The following NWD1 variants were observed in gnomAD, a reference collection of about 807,000 sequenced individuals.
NWD1 encodes the protein NACHT domain- and WD repeat-containing protein 1.
A neutral mutation model predicts 135.1 loss-of-function variants in NWD1; 129 were observed. That is an observed-to-expected ratio of 0.96 (90% CI 0.83 to 1.11). NWD1 has a LOEUF of 1.11. Among genes scored for constraint, NWD1 ranks in the 50% least tolerant of loss-of-function variants. The pLI, the probability that NWD1 is intolerant of heterozygous loss-of-function variation, is 0.00. For missense variants in NWD1, 1,740 were observed against 1,851.3 expected, an observed-to-expected ratio of 0.94 and a Z score of 1.10; for synonymous variants, 773 against 786.0, an observed-to-expected ratio of 0.98 and a Z score of 0.28.
chr19:16,754,660 C>T (rs1968715937), intron 6 of NWD1, among the ~76,000 whole-genome samples: 2 of 151,190 alleles, frequency 1.3e-5, no homozygotes, highest in Non-Finnish European at 2.9e-5. Flanking sequence ...TCTATTCTTC[C>T]TTGCATCCAT....
intron 14 of NWD1, among the ~76,000 whole-genome samples, chr19:16,793,471 C>G (rs1031729039): frequency 6.6e-6 from 1 of 151,884 alleles, no homozygotes; most frequent in African/African-American, 2.4e-5. Context: ...AACTTATGGG[C>G]TCATTCAGCC....
Position 16,817,297 on chromosome 19 carries a change from C to CTCA in NWD1, c.*2260_*2262dup, listed in dbSNP as rs983071938. 61 of 143,270 alleles carry CTCA rather than the reference C, an allele frequency of 4.3e-4. No individual in the cohort carries two copies. Among genetic ancestry groups the CTCA allele is most frequent in the African/African-American group, 1.6e-3 (61 of 38,476 alleles). 8.9% of individuals were successfully genotyped at this position (143,270 alleles called of 1,614,324 possible). A position where few individuals can be genotyped will look rare whatever the true frequency, so the allele number is the denominator to read the frequency against. ...CCTGGGTGACAGAGCAAGACTCCAT[C>CTCA]TCATAATAATAATAATAATGGCAAA... On this transcript the variant is annotated 3_prime_UTR_variant, in exon 19 of 19. Transcript: ENST00000524140.
At chr19:16,754,474 A>G (rs927268011) in intron 6 of NWD1, among the ~76,000 whole-genome samples, 1 of 142,486 alleles carries the variant, frequency 7.0e-6, no homozygotes, top group Non-Finnish European at 1.5e-5. Context: ...CCATCCATCC[A>G]TCCATCCATC....
rs1268150126 is a variant in NWD1 at position 16,731,205 on chromosome 19, G to A, written c.8G>A (p.Arg3Lys). MQ[R>K]GKPCRALPTL... ...CCTTCCTTGCAGATATGGATGCAGA[G>A]AGGGAAGCCCTGCAGAGCACTGCCT... The change falls in exon 3 of 19, where the codon AGA becomes AAA. Residue 3 changes from arginine to lysine, a missense_variant. By Grantham distance (26) the Arg-to-Lys change is conservative. Transcript: ENST00000524140. The A allele has an allele frequency of 1.7e-5, 26 of 1,531,330 alleles. No homozygotes were observed. Among genetic ancestry groups the A allele is most frequent in the Non-Finnish European group, 2.2e-5 (25 of 1,142,588 alleles). The allele number at this position is 1,531,330 out of a possible 1,614,324, so 94.9% of individuals were successfully genotyped here. A position where few individuals can be genotyped will look rare whatever the true frequency, so the allele number is the denominator to read the frequency against.
chr19:16,767,579 A>T lies in NWD1; in HGVS notation c.2410+2387A>T, dbSNP rs897918271. On this transcript the variant is annotated intron_variant, in intron 10 of 18. Coordinates refer to ENST00000524140, the MANE Select transcript of NWD1 (RefSeq NM_001007525.5). ...GCAGTGACCAGAAATCCCACCATGC[A>T]CTCCAGCCTGGGTGACAGAGTGAGA... 2.6e-5 allele frequency among the ~76,000 whole-genome samples: 4 copies of T among 151,022 alleles called. No homozygotes were observed. The East Asian group carries it at 8.0e-4, about 30-fold the overall frequency.
At chr19:16,734,578 CT>C (rs1363910061) in intron 3 of NWD1, among the ~76,000 whole-genome samples, 1 of 120,372 alleles carries the variant, frequency 8.3e-6, no homozygotes, top group Non-Finnish European at 1.8e-5. Context: ...TTTCTTTTTT[CT>C]TTTTCTGTTT....
intron 6 of NWD1, among the ~76,000 whole-genome samples, chr19:16,752,188 A>G (rs1441399535): frequency 6.6e-6 from 1 of 151,194 alleles, no homozygotes; most frequent in Non-Finnish European, 1.5e-5. Context: ...GCTGGACGAC[A>G]TAGTTTTGCC....
At chr19:16,796,677 C>A (rs62119293) in intron 15 of NWD1, among the ~76,000 whole-genome samples, 4 of 150,806 alleles carry the variant, frequency 2.7e-5, no homozygotes, top group Non-Finnish European at 5.9e-5. Flanking sequence ...CATTTCTCTC[C>A]TTCCTCCCTT....
chr19:16,755,168 C>T (rs1384490927), intron 6 of NWD1, among the ~76,000 whole-genome samples: 1 of 152,042 alleles, frequency 6.6e-6, no homozygotes, highest in African/African-American at 2.4e-5. Flanking sequence ...CTATATCTAT[C>T]TCTCTATTTC....
intron 6 of NWD1, among the ~76,000 whole-genome samples, chr19:16,751,668 G>C (rs960843998): frequency 2.0e-5 from 3 of 151,852 alleles, no homozygotes; most frequent in Non-Finnish European, 2.9e-5. Context: ...CGGCATGGTG[G>C]CGGTCACCTG....
At chr19:16,731,025 C>T in intron 2 of NWD1, 167 bp from the exon 3 acceptor site, 1 of 468,082 alleles carries the variant, frequency 2.1e-6, no homozygotes, top group Non-Finnish European at 3.8e-6. Context: ...GAGAGAATCT[C>T]TTGAGGCCAG....
At chr19:16,808,353 C>T (rs1400044617) in intron 18 of NWD1, among the ~76,000 whole-genome samples, 1 of 152,054 alleles carries the variant, frequency 6.6e-6, no homozygotes, top group South Asian at 2.1e-4. Context: ...AGTTCAAGAC[C>T]AGCCTGGCCA....
chr19:16,787,044 A>G (rs1360936031), intron 12 of NWD1, among the ~76,000 whole-genome samples: 2 of 152,188 alleles, frequency 1.3e-5, no homozygotes, highest in Non-Finnish European at 2.9e-5. Context: ...TTACATTTCT[A>G]CATAATCCAG....
chr19:16,782,982 T>TAGGG (rs994683919), intron 12 of NWD1, among the ~76,000 whole-genome samples: 2 of 139,472 alleles, frequency 1.4e-5, no homozygotes, highest in African/African-American at 5.3e-5. Context: ...CCTTCCTCCC[T>TAGGG]CCCTCCCTCC....
Position 16,807,674 on chromosome 19 carries a change from G to T in NWD1, c.3825G>T (p.Val1275=), listed in dbSNP as rs117690411. The T allele has an allele frequency of 1.9e-6, 3 of 1,610,166 alleles. No individual in the cohort carries two copies. Among genetic ancestry groups the T allele is most frequent in the Non-Finnish European group, 1.7e-6 (2 of 1,177,818 alleles). Residue 1275 remains valine (V), a synonymous_variant, in exon 18 of 19, where the codon GTG becomes GTT. Transcript: ENST00000524140. The part of the protein sequence containing the change: ...EQRKLLFTGL[V]SGVVLVFPLN... Reference sequence around the variant, plus strand: ...GCAAGCTCCTATTTACGGGCCTCGTGTCGGGGGTCGTCCTTGTGTTCCCCC... The same window carrying T: ...GCAAGCTCCTATTTACGGGCCTCGTTTCGGGGGTCGTCCTTGTGTTCCCCC...
chr19:16,765,034 G>A lies in NWD1; in HGVS notation c.2252G>A (p.Gly751Asp). Residue 751 changes from glycine (G) to aspartate (D), a missense_variant and splice_region_variant, in exon 10 of 19, where the codon GGC becomes GAC. Transcript: ENST00000524140. ...CATCCTCCCCCCTTCTCTCCCTCAG[G>A]CAGCATGAGCTGGATTTCCTGCCGG... The part of the protein sequence containing the change: ...RLEELKQEVL[G>D]SMSWISCRGI... The A allele has an allele frequency of 6.2e-7, 1 of 1,614,046 alleles. No individual in the cohort carries two copies.
rs184288341 is a variant in NWD1, at chr19:16,722,817, G to A, written c.-104-1549G>A. On this transcript the variant is annotated intron_variant, in intron 1 of 18. Coordinates refer to ENST00000524140, the MANE Select transcript of NWD1 (RefSeq NM_001007525.5). Reference sequence around the variant, plus strand: ...ATATTGGTTGACCTCTGGAGGGGCTGGGGATTAAGGTCAGCTATGCTGGTG... The same window carrying A: ...ATATTGGTTGACCTCTGGAGGGGCTAGGGATTAAGGTCAGCTATGCTGGTG... Among the ~76,000 whole-genome samples the A allele has an allele frequency of 2.0e-4, 31 of 152,018 alleles. 1 individual carries two copies. Among genetic ancestry groups the A allele is most frequent in the Non-Finnish European group, 4.0e-4 (27 of 68,000 alleles).
Position 16,736,750 on chromosome 19 carries a change from T to C in NWD1, c.198T>C (p.Val66=). 1.3e-6 allele frequency: 2 copies of C among 1,510,170 alleles called. No individual in the cohort carries two copies. The highest frequency in any genetic ancestry group is 1.8e-6 in the Non-Finnish European group (2 of 1,122,872). 93.5% of individuals were successfully genotyped at this position (1,510,170 alleles called of 1,614,324 possible). A position where few individuals can be genotyped will look rare whatever the true frequency, so the allele number is the denominator to read the frequency against. Residue 66 remains valine, a splice_region_variant and synonymous_variant, in exon 4 of 19, where the codon GTT becomes GTC. Transcript: ENST00000524140. ...AAACATCCATAGGGCCAGCTTTTGT[T>C]GTGAGTGTCTTGGGAGGAATGGGTT... ...CWKTSIGPAF[V]ALIGDQYGPC...
At chr19:16,801,978 C>T (rs961021330) in intron 17 of NWD1, among the ~76,000 whole-genome samples, 4 of 151,646 alleles carry the variant, frequency 2.6e-5, no homozygotes, top group African/African-American at 9.7e-5. Context: ...CAACATGGAC[C>T]TTGTCGCAAT....
Sources: gnomAD v4.1 joint callset for allele counts (sites outside exome capture counted in the v4.1 genomes callset) on GRCh38, gnomAD v4.1.1 for gene constraint, MANE v1.5 for transcripts, NCBI Gene and HGNC (gene_info 2026-07-23, HGNC 2026-07-21) for gene names.